The following MB21D2 variants were observed in gnomAD, a reference collection of about 807,000 sequenced individuals.
MB21D2 encodes nucleotidyltransferase MB21D2.
MB21D2 carries 9 observed loss-of-function variants against 33.3 expected under a neutral mutation model. The ratio of observed to expected loss-of-function variants is 0.27; its 90% CI spans 0.16 to 0.47. MB21D2 has a LOEUF of 0.47. Ranked by LOEUF, MB21D2 falls within the 20% of genes least tolerant of loss-of-function variation. The pLI, the probability that MB21D2 is intolerant of heterozygous loss-of-function variation, is 0.99. For missense variants in MB21D2, 540 were observed against 624.6 expected (o/e 0.86, Z 1.44); for synonymous variants, 241 against 236.3 (o/e 1.02, Z -0.18).
At chr3:192,818,156 T>C (rs942657696) in intron 1 of MB21D2, among the ~76,000 whole-genome samples, 1 of 152,162 alleles carries the variant, frequency 6.6e-6, no homozygotes, top group Non-Finnish European at 1.5e-5. Context: ...GCATTTGTAC[T>C]ACAGCTATTT....
At position 192,805,764 on chromosome 3, in the gene MB21D2, C is replaced by T. The variant is rs544069240; in HGVS notation, c.212-6114G>A. ...CAAATTGATGAAAAGTAAGTAAACG[C>T]ATATAAAAACCCACCCTTACAGGAT... On this transcript the variant is annotated intron_variant, in intron 1 of 1. Transcript: ENST00000392452. Among the ~76,000 whole-genome samples, 6 of 152,240 alleles carry T rather than the reference C, an allele frequency of 3.9e-5. No individual in the cohort carries two copies. In the South Asian group the frequency reaches 1.2e-3, roughly 32 times the overall value.
intron 1 of MB21D2, among the ~76,000 whole-genome samples, chr3:192,896,121 A>G (rs1477846826): frequency 6.6e-6 from 1 of 152,202 alleles, no homozygotes; most frequent in Admixed American, 6.5e-5. Context: ...CAACAACCCT[A>G]TGAAGTTGGC....
Position 192,917,574 on chromosome 3 carries a change from T to C in MB21D2, c.211+56A>G, listed in dbSNP as rs1483924780. 39 of 1,584,870 alleles carry C rather than the reference T, an allele frequency of 2.5e-5. No homozygotes were observed. In the East Asian group the frequency reaches 7.9e-4, roughly 32 times the overall value. On this transcript the variant is annotated intron_variant, in intron 1 of 1. Transcript: ENST00000392452. ...CGAGAAGCGGCAATGGGTTTTCTAC[T>C]CCGCTTCCCATCACACACACACACG... is the stretch of plus-strand genomic sequence containing the variant.
intron 1 of MB21D2, among the ~76,000 whole-genome samples, chr3:192,862,873 C>T (rs1490120182): frequency 1.3e-5 from 2 of 152,198 alleles, no homozygotes; most frequent in Admixed American, 6.5e-5. Flanking sequence ...TGGCAGATTC[C>T]GTGCCTGGGG....
chr3:192,854,176 G>A (rs1440637445), intron 1 of MB21D2, among the ~76,000 whole-genome samples: 1 of 152,238 alleles, frequency 6.6e-6, no homozygotes, highest in Non-Finnish European at 1.5e-5. Context: ...TGGGCTGAAA[G>A]GCAGGCCCCT....
At chr3:192,864,664 G>A (rs569021034) in intron 1 of MB21D2, among the ~76,000 whole-genome samples, 3 of 152,150 alleles carry the variant, frequency 2.0e-5, no homozygotes, top group East Asian at 3.9e-4. Flanking sequence ...CCGCCACCAC[G>A]CCTGGTTAAT....
intron 1 of MB21D2, among the ~76,000 whole-genome samples, chr3:192,815,471 A>G (rs941747867): frequency 1.1e-4 from 17 of 152,240 alleles, no homozygotes; most frequent in Non-Finnish European, 2.2e-4. Flanking sequence ...AGCAATGTTG[A>G]AATGCTTTTA....
At chr3:192,869,863 C>T (rs1295128893) in intron 1 of MB21D2, among the ~76,000 whole-genome samples, 1 of 152,138 alleles carries the variant, frequency 6.6e-6, no homozygotes, top group African/African-American at 2.4e-5. Context: ...ACCTGCTGAG[C>T]TGAGCTAGGA....
intron 1 of MB21D2, among the ~76,000 whole-genome samples, chr3:192,885,847 TAA>T (rs774041920): frequency 1.3e-5 from 2 of 152,170 alleles, no homozygotes; most frequent in Non-Finnish European, 2.9e-5. Context: ...CACCTGAGTC[TAA>T]AGTGATGAAC....
At chr3:192,836,521 A>G (rs760344861) in intron 1 of MB21D2, among the ~76,000 whole-genome samples, 11 of 152,220 alleles carry the variant, frequency 7.2e-5, no homozygotes, top group Non-Finnish European at 1.5e-4. Context: ...TGGTAGTCTT[A>G]TAAGAAGAGA....
chr3:192,889,020 G>A (rs1560251706), intron 1 of MB21D2, among the ~76,000 whole-genome samples: 1 of 151,954 alleles, frequency 6.6e-6, no homozygotes, highest in East Asian at 1.9e-4. Context: ...TGCATGACAG[G>A]GAGCCAGCCA....
chr3:192,888,167 A>T (rs1197027922), intron 1 of MB21D2, among the ~76,000 whole-genome samples: 1 of 152,126 alleles, frequency 6.6e-6, no homozygotes, highest in Non-Finnish European at 1.5e-5. Context: ...AGAGCATCAT[A>T]CAAAAACCTC....
At chr3:192,845,509 T>C (rs1196296953) in intron 1 of MB21D2, among the ~76,000 whole-genome samples, 1 of 152,176 alleles carries the variant, frequency 6.6e-6, no homozygotes, top group Non-Finnish European at 1.5e-5. Flanking sequence ...TAAATTCCCA[T>C]CACAAGACCG....
Position 192,814,595 on chromosome 3 carries a change from G to A in MB21D2, c.212-14945C>T, listed in dbSNP as rs551849242. On this transcript the variant is annotated intron_variant, in intron 1 of 1. Transcript: ENST00000392452. The stretch of plus-strand genomic sequence containing the variant: ...AAAAAAGTCTTGGGCGGGCGCGGTG[G>A]CTCACACCTGTAATCCCAGCACTTT... Among the ~76,000 whole-genome samples the A allele has an allele frequency of 4.6e-5, 7 of 152,228 alleles. No individual in the cohort carries two copies. The South Asian group carries it at 1.0e-3, about 23-fold the overall frequency.
Position 192,798,429 on chromosome 3 carries a change from T to C in MB21D2, c.1433A>G (p.Asp478Gly), listed in dbSNP as rs1476699721. The C allele has an allele frequency of 6.2e-7, 1 of 1,614,150 alleles. No individual in the cohort carries two copies. Among genetic ancestry groups the C allele is most frequent in the Non-Finnish European group, 8.5e-7 (1 of 1,180,026 alleles). The change falls in exon 2 of 2, where the codon GAT becomes GGT. Residue 478 changes from aspartate to glycine, a missense_variant. By Grantham distance (94) the Asp-to-Gly change is moderately conservative. Coordinates refer to ENST00000392452, the MANE Select transcript of MB21D2 (RefSeq NM_178496.4). The surrounding 1 kb of genome is among the most constrained non-coding windows in gnomAD (Gnocchi z 4.8). ...KSISVFINPD[D>G]VTRPHFRIDD... ...AATTCTGAAATGGGGCCTTGTGACATCGTCAGGATTGATAAAGACAGAGAT... is the reference window on the plus strand; with the variant it reads ...AATTCTGAAATGGGGCCTTGTGACACCGTCAGGATTGATAAAGACAGAGAT...
intron 1 of MB21D2, among the ~76,000 whole-genome samples, chr3:192,850,220 T>C (rs1712769576): frequency 6.6e-6 from 1 of 152,072 alleles, no homozygotes; most frequent in African/African-American, 2.4e-5. Context: ...GCCCGGCCCA[T>C]AGAACAATTT....
chr3:192,851,570 C>T (rs899962343), intron 1 of MB21D2, among the ~76,000 whole-genome samples: 1 of 144,130 alleles, frequency 6.9e-6, no homozygotes, highest in Non-Finnish European at 1.5e-5. Flanking sequence ...TCTTGGCTCA[C>T]TGAAACCTCC....
intron 1 of MB21D2, among the ~76,000 whole-genome samples, chr3:192,849,316 T>TTGGGGGGGGGGG (rs1394136617): frequency 2.2e-5 from 2 of 92,166 alleles, no homozygotes; most frequent in Admixed American, 2.6e-4. Flanking sequence ...TCTCTTTTTT[T>TTGGGGGGGGGGG]GGGGGGGGGG....
chr3:192,877,848 G>A (rs1057053753), intron 1 of MB21D2, among the ~76,000 whole-genome samples: 5 of 152,062 alleles, frequency 3.3e-5, no homozygotes, highest in Admixed American at 6.6e-5. Context: ...TCCAGAAGTT[G>A]CCACGTCTAA....
Sources: gnomAD v4.1 joint callset for allele counts (sites outside exome capture counted in the v4.1 genomes callset) on GRCh38, gnomAD v4.1.1 for gene constraint, Gnocchi (gnomAD v3.1) non-coding constraint, MANE v1.5 for transcripts, NCBI Gene and HGNC (gene_info 2026-07-23, HGNC 2026-07-21) for gene names.